EIF4E1B: variants seen among roughly 807,000 people sequenced by gnomAD.
EIF4E1B encodes the protein eukaryotic translation initiation factor 4E family member 1B.
EIF4E1B carries 22 observed loss-of-function variants against 31.3 expected under a neutral mutation model. The observed-to-expected ratio is 0.70, with a 90% CI of 0.50 to 1.00. The LOEUF (loss-of-function observed/expected upper bound fraction) is 1.00, where lower values mean the gene tolerates loss of function less well. Among genes scored for constraint, EIF4E1B ranks in the 50% least tolerant of loss-of-function variants. The probability of loss-of-function intolerance (pLI) is 0.00; values close to 1 mark genes in which losing one functional copy is unlikely to be tolerated. For missense variants in EIF4E1B, 290 were observed against 311.6 expected, an observed-to-expected ratio of 0.93 and a Z score of 0.52; for synonymous variants, 126 against 120.2, an observed-to-expected ratio of 1.05 and a Z score of -0.31.
chr5:176,633,883 G>A (rs182560832), intron 1 of EIF4E1B, among the ~76,000 whole-genome samples: 1 of 152,300 alleles, frequency 6.6e-6, no homozygotes, highest in East Asian at 1.9e-4. Context: ...AGATGGGTTG[G>A]AGGAGGATAA....
At chr5:176,639,969 TC>T (rs1328306552) in intron 1 of EIF4E1B, among the ~76,000 whole-genome samples, 2 of 152,176 alleles carry the variant, frequency 1.3e-5, no homozygotes, top group Admixed American at 6.5e-5. Context: ...CCCAGCCTGG[TC>T]CTCTTCCAGT....
chr5:176,634,758 C>T (rs1200761655), intron 1 of EIF4E1B, among the ~76,000 whole-genome samples: 3 of 151,178 alleles, frequency 2.0e-5, no homozygotes, highest in African/African-American at 7.3e-5. Context: ...CAACCTCTGC[C>T]TCCTGGGTTC....
rs780623437 is a variant in EIF4E1B at position 176,643,651 on chromosome 5, G to A, written c.213G>A (p.Trp71Ter). Residue 71 changes from tryptophan (W) to a stop codon, truncating the protein, a stop_gained, in exon 5 of 9, where the codon TGG becomes TGA. Coordinates refer to ENST00000318682, the MANE Select transcript of EIF4E1B (RefSeq NM_001099408.2). LOFTEE classifies it high-confidence loss of function. ...LHPLQNRWAL[W>*]FFKNDRSRAW... is the part of the protein sequence containing the mutation. ...CTTCCCCTACCAGGTGGGCTCTGTG[G>A]TTCTTCAAGAATGACCGCAGCCGGG... 2.7e-5 allele frequency: 44 copies of A among 1,609,102 alleles called. No homozygotes were observed. Among genetic ancestry groups the A allele is most frequent in the Non-Finnish European group, 3.6e-5 (42 of 1,177,792 alleles).
rs757236490 is a variant in EIF4E1B, at chr5:176,643,037, A to G, written c.16-45A>G. ...GGGCAGGGTGGGCACAGGGACAGCC[A>G]GGGCCAGAGCTCACAACCCATCCTG... On this transcript the variant is annotated intron_variant, in intron 3 of 8. Transcript: ENST00000318682. The G allele has an allele frequency of 4.5e-6, 7 of 1,564,526 alleles. No individual in the cohort carries two copies. In the East Asian group the frequency reaches 1.7e-4, roughly 37 times the overall value.
In EIF4E1B at chr5:176,645,651, T is replaced by C. The variant is rs954880379; in HGVS notation, c.614+135T>C. The C allele has an allele frequency of 4.6e-6, 6 of 1,300,954 alleles. No individual in the cohort carries two copies. The East Asian group carries it at 1.0e-4, about 22-fold the overall frequency. 80.6% of individuals were successfully genotyped at this position (1,300,954 alleles called of 1,614,324 possible). On this transcript the variant is annotated intron_variant, in intron 8 of 8. Transcript: ENST00000318682. The surrounding 1 kb of genome is among the most constrained non-coding windows in gnomAD (Gnocchi z 5.4). ...CTCCCTTCTGCCTTGCCCACCTGTA[T>C]GGAAGGTCTGGCGTTCAGATTTCTA...
intron 1 of EIF4E1B, among the ~76,000 whole-genome samples, chr5:176,639,758 A>AT (rs60180665): frequency 3.5e-4 from 52 of 148,856 alleles, no homozygotes; most frequent in Non-Finnish European, 4.8e-4. Context: ...CCTCATCTCT[A>AT]TTTTTTTTTT....
rs1433222227 is a variant in EIF4E1B, at chr5:176,633,218, TTTG to T, written c.-202+2157_-202+2159del. Among the ~76,000 whole-genome samples the T allele has an allele frequency of 7.2e-3, 605 of 84,306 alleles. 1 individual carries two copies. The highest frequency in any genetic ancestry group is 0.021 in the African/African-American group (503 of 23,524). 55.3% of individuals were successfully genotyped at this position (84,306 alleles called of 152,430 possible). Reference sequence around the variant, plus strand: ...TTTGAGCTGTCCAGTGTTTTTTTTGTTTGTTTGTTTGTTTGTTTGTTTGTTTTA... The same window carrying T: ...TTTGAGCTGTCCAGTGTTTTTTTTGTTTTGTTTGTTTGTTTGTTTGTTTTA... On this transcript the variant is annotated intron_variant, in intron 1 of 8. Coordinates refer to ENST00000318682, the MANE Select transcript of EIF4E1B (RefSeq NM_001099408.2).
chr5:176,646,074 AG>A lies in EIF4E1B; in HGVS notation c.*95del. The A allele has an allele frequency of 6.6e-6, 7 of 1,064,130 alleles. No homozygotes were observed. Among genetic ancestry groups the A allele is most frequent in the Non-Finnish European group, 9.7e-6 (7 of 721,028 alleles). The allele number at this position is 1,064,130 out of a possible 1,614,324, so 65.9% of individuals were successfully genotyped here. The stretch of plus-strand genomic sequence containing the variant: ...GGCGGGACTGGGGATCAGACAGCCT[AG>A]TTCTTACCTGTCCTCAAGTGAACAG... On this transcript the variant is annotated 3_prime_UTR_variant, in exon 9 of 9. Transcript: ENST00000318682.
intron 1 of EIF4E1B, among the ~76,000 whole-genome samples, chr5:176,641,303 G>T (rs550513443): frequency 6.6e-6 from 1 of 152,220 alleles, no homozygotes; most frequent in Non-Finnish European, 1.5e-5. Context: ...ACTCCCGCCT[G>T]GGCAGCTGGA....
chr5:176,634,817 C>T (rs934630521), intron 1 of EIF4E1B, among the ~76,000 whole-genome samples: 1 of 151,720 alleles, frequency 6.6e-6, no homozygotes, highest in African/African-American at 2.4e-5. Flanking sequence ...TTACAGGCAC[C>T]CGCCACCACA....
At position 176,642,728 on chromosome 5, in the gene EIF4E1B, T is replaced by C; in HGVS notation, c.-60T>C. On this transcript the variant is annotated 5_prime_UTR_variant, in exon 3 of 9. Coordinates refer to ENST00000318682, the MANE Select transcript of EIF4E1B (RefSeq NM_001099408.2). ...CCTTCAGGTCTTGGCCCCCATGGTG[T>C]GGGGCTTGGTCACAGCTGCTTCCCC... 6.4e-7 allele frequency: 1 copy of C among 1,552,196 alleles called. No individual in the cohort carries two copies.
At position 176,645,486 on chromosome 5, in the gene EIF4E1B, C is replaced by T. The variant is rs1296660855; in HGVS notation, c.584C>T (p.Ala195Val). 97 of 1,513,296 alleles carry T rather than the reference C, an allele frequency of 6.4e-5. No individual in the cohort carries two copies. The highest frequency in any genetic ancestry group is 8.4e-5 in the Non-Finnish European group (95 of 1,133,022). The allele number at this position is 1,513,296 out of a possible 1,614,324, so 93.7% of individuals were successfully genotyped here. A position where few individuals can be genotyped will look rare whatever the true frequency, so the allele number is the denominator to read the frequency against. ...GDKIAVWTRE[A>V]ENQAGVLHVG... Reference sequence around the variant, plus strand: ...AAGATCGCTGTGTGGACGAGGGAGGCGGAAAACCAGGCGGGCGTGCTGCAC... The same window carrying T: ...AAGATCGCTGTGTGGACGAGGGAGGTGGAAAACCAGGCGGGCGTGCTGCAC... The change falls in exon 8 of 9, where the codon GCG becomes GTG. Residue 195 changes from alanine (A) to valine (V), a missense_variant. Coordinates refer to ENST00000318682, the MANE Select transcript of EIF4E1B (RefSeq NM_001099408.2). The surrounding 1 kb of genome is among the most constrained non-coding windows in gnomAD (Gnocchi z 5.4).
chr5:176,644,521 A>C, intron 6 of EIF4E1B, 82 bp downstream of exon 6: 43 of 105,844 alleles, frequency 4.1e-4, no homozygotes, highest in Non-Finnish European at 6.9e-4. Context: ...AATCCCTCAG[A>C]GGGGTGGGGG....
In EIF4E1B at chr5:176,645,452, A is replaced by G; in HGVS notation, c.550A>G (p.Lys184Glu). 1 of 1,516,960 alleles carries G rather than the reference A, an allele frequency of 6.6e-7. No individual in the cohort carries two copies. Among genetic ancestry groups the G allele is most frequent in the Non-Finnish European group, 8.8e-7 (1 of 1,133,128 alleles). 94.0% of individuals were successfully genotyped at this position (1,516,960 alleles called of 1,614,324 possible). The change falls in exon 8 of 9, where the codon AAG (lysine) becomes GAG (glutamate). Residue 184 changes from lysine to glutamate, a missense_variant. Lys to Glu is a moderately conservative substitution (Grantham distance 56). Transcript: ENST00000318682. This position sits in a 1 kb window ranked among gnomAD's most constrained non-coding sequence, Gnocchi z 5.4. Reference protein sequence around the residue: ...VCGAVVNIRTKGDKIAVWTRE... With the variant: ...VCGAVVNIRTEGDKIAVWTRE... ...TGGGGCCGTCGTCAACATCCGCACC[A>G]AGGGGGACAAGATCGCTGTGTGGAC...
At chr5:176,644,507 C>A in intron 6 of EIF4E1B, 68 bp downstream of exon 6, 12 of 964,208 alleles carry the variant, frequency 1.2e-5, no homozygotes, top group East Asian at 6.5e-5. Context: ...GACTCCACTG[C>A]GTTAATCCCT....
intron 1 of EIF4E1B, chr5:176,641,700 C>T (rs376342756): frequency 2.0e-5 from 3 of 152,444 alleles, no homozygotes; most frequent in East Asian, 1.9e-4. Flanking sequence ...AATACTCAGC[C>T]TCCAGATGGT....
At chr5:176,643,870 G>T (rs1322649202) in intron 5 of EIF4E1B, 136 bp downstream of exon 5, 1 of 876,936 alleles carries the variant, frequency 1.1e-6, no homozygotes, top group Non-Finnish European at 1.7e-6. Flanking sequence ...TGCCCAGGGG[G>T]TATAGGGCAC....
chr5:176,632,136 C>G (rs1400050785), intron 1 of EIF4E1B, among the ~76,000 whole-genome samples: 1 of 152,184 alleles, frequency 6.6e-6, no homozygotes, highest in Admixed American at 6.5e-5. Context: ...TTATAATTTT[C>G]TATGTGTCAA....
intron 1 of EIF4E1B, among the ~76,000 whole-genome samples, chr5:176,633,237 GTTTGT>G (rs1187390077): frequency 2.6e-5 from 4 of 151,224 alleles, no homozygotes; most frequent in South Asian, 2.1e-4. Flanking sequence ...TTGTTTGTTT[GTTTGT>G]TTTAAGAGAT....
Sources: gnomAD v4.1 joint callset for allele counts (sites outside exome capture counted in the v4.1 genomes callset) on GRCh38, gnomAD v4.1.1 for gene constraint, Gnocchi (gnomAD v3.1) non-coding constraint, MANE v1.5 for transcripts, NCBI Gene and HGNC (gene_info 2026-07-23, HGNC 2026-07-21) for gene names.